Variants in PCGF5 observed in about 807,000 individuals in gnomAD.
PCGF5 encodes the protein polycomb group ring finger 5, also known as polycomb group RING finger protein 5.
In PCGF5, 9 loss-of-function variants were observed where a neutral mutation model predicts 44.3. That is an observed-to-expected ratio of 0.20 (90% CI 0.12 to 0.35). The LOEUF (loss-of-function observed/expected upper bound fraction) is 0.35. Among genes scored for constraint, PCGF5 ranks in the 10% least tolerant of loss-of-function variants. PCGF5 has a pLI of 1.00. For synonymous variants in PCGF5, 95 were observed against 102.5 expected, an observed-to-expected ratio of 0.93 and a Z score of 0.44; for missense variants, 146 against 305.3, an observed-to-expected ratio of 0.48 and a Z score of 3.89.
chr10:91,193,795 A>C (rs1844079027), intron 1 of PCGF5, among the ~76,000 whole-genome samples: 1 of 152,136 alleles, frequency 6.6e-6, no homozygotes, highest in Non-Finnish European at 1.5e-5. Context: ...GAGGAAGGGG[A>C]GAAGCAGGGA....
At chr10:91,182,354 T>TCCC in intron 1 of PCGF5, among the ~76,000 whole-genome samples, 1 of 152,192 alleles carries the variant, frequency 6.6e-6, no homozygotes, top group Admixed American at 6.5e-5. Flanking sequence ...ATAGAGGTGT[T>TCCC]TATAATATTC....
upstream of PCGF5, chr10:91,220,641 G>A (rs1243071356): frequency 1.3e-5 from 2 of 151,280 alleles, no homozygotes; most frequent in Non-Finnish European, 3.0e-5. Context: ...CCGGACCTGG[G>A]CCCCGAGGCC....
chr10:91,250,095 C>G (rs769459991), intron 5 of PCGF5, among the ~76,000 whole-genome samples: 1 of 151,952 alleles, frequency 6.6e-6, no homozygotes, highest in African/African-American at 2.4e-5. Flanking sequence ...TTGTTTCTCC[C>G]ATTTTAAAGT....
Position 91,277,307 on chromosome 10 carries a change from G to A in PCGF5, c.724-962G>A, listed in dbSNP as rs140592722. On this transcript the variant is annotated intron_variant, in intron 9 of 9. Transcript: ENST00000336126. ...GAAAGAATACAAAGTTCTCTATACCGTATTTTTATATTCATGTATACCAAG... is the reference window on the plus strand; with the variant it reads ...GAAAGAATACAAAGTTCTCTATACCATATTTTTATATTCATGTATACCAAG... Among the ~76,000 whole-genome samples, 243 of 152,254 alleles carry A rather than the reference G, an allele frequency of 1.6e-3. 1 individual carries two copies. The highest frequency in any genetic ancestry group is 5.7e-3 in the African/African-American group (236 of 41,538).
upstream of PCGF5, among the ~76,000 whole-genome samples, chr10:91,159,126 G>A (rs1469331880): frequency 1.3e-5 from 2 of 152,182 alleles, no homozygotes; most frequent in Non-Finnish European, 2.9e-5. Flanking sequence ...CACAGATGGT[G>A]TTAAACAAGC....
At chr10:91,238,073 A>G (rs562985462) in intron 2 of PCGF5, among the ~76,000 whole-genome samples, 235 of 152,362 alleles carry the variant, frequency 1.5e-3, no homozygotes, top group African/African-American at 4.1e-3. Context: ...TCATTTCAAA[A>G]TGTAATTAAT....
intron 1 of PCGF5, among the ~76,000 whole-genome samples, chr10:91,206,513 A>G (rs2133243433): frequency 6.6e-6 from 1 of 152,346 alleles, no homozygotes; most frequent in East Asian, 1.9e-4. Context: ...AGATAGGGAA[A>G]GCCTGCATGG....
chr10:91,164,056 A>C (rs925767059), intron 1 of PCGF5, among the ~76,000 whole-genome samples: 8 of 152,252 alleles, frequency 5.3e-5, no homozygotes, highest in African/African-American at 1.9e-4. Context: ...CGTGAGCTCC[A>C]GGGCGGTGAA....
intron 1 of PCGF5, among the ~76,000 whole-genome samples, chr10:91,193,642 G>A (rs893959022): frequency 2.6e-5 from 4 of 151,978 alleles, no homozygotes; most frequent in African/African-American, 9.7e-5. Flanking sequence ...ACCATGAAGG[G>A]CTTTGGCTTT....
At chr10:91,261,548 G>A (rs1207856243) in intron 7 of PCGF5, 124 bp downstream of exon 7, 6 of 1,189,662 alleles carry the variant, frequency 5.0e-6, no homozygotes, top group Non-Finnish European at 6.5e-6. Flanking sequence ...TTATTTTTGT[G>A]TTAAAAATTT....
rs11186500 is a variant in PCGF5, at chr10:91,202,371, A to G, written c.-183-20318A>G. Among the ~76,000 whole-genome samples the G allele has an allele frequency of 1.3e-3, 192 of 152,352 alleles. 1 individual carries two copies. The East Asian group carries it at 0.033, about 26-fold the overall frequency. On this transcript the variant is annotated intron_variant, in intron 1 of 9. Transcript: ENST00000614189. ...TTTTTGTGAACCTAATGATTTCAGT[A>G]AAACCCACCATTGTGACCTTGAGAG... is the stretch of plus-strand genomic sequence containing the variant.
intron 1 of PCGF5, among the ~76,000 whole-genome samples, chr10:91,189,876 AG>A (rs1844000552): frequency 1.3e-5 from 2 of 152,240 alleles, no homozygotes; most frequent in African/African-American, 4.8e-5. Flanking sequence ...TAGTTTTGAA[AG>A]GTTTTCCTCA....
At chr10:91,181,789 T>G (rs1843823284) in intron 1 of PCGF5, among the ~76,000 whole-genome samples, 1 of 152,200 alleles carries the variant, frequency 6.6e-6, no homozygotes, top group Non-Finnish European at 1.5e-5. Flanking sequence ...GTTGAGGATT[T>G]TTGCATCAAT....
chr10:91,162,358 G>T (rs1173522083), upstream of PCGF5, among the ~76,000 whole-genome samples: 1 of 151,968 alleles, frequency 6.6e-6, no homozygotes, highest in Non-Finnish European at 1.5e-5. Context: ...GAAGCTGGAG[G>T]CAGGAAAAGA....
intron 1 of PCGF5, among the ~76,000 whole-genome samples, chr10:91,172,246 G>A (rs1331401753): frequency 1.3e-5 from 2 of 152,190 alleles, no homozygotes; most frequent in East Asian, 3.9e-4. Context: ...CCAACGTGAT[G>A]AAACCCTATT....
At chr10:91,213,813 G>A (rs1377738083) in intron 1 of PCGF5, among the ~76,000 whole-genome samples, 2 of 151,952 alleles carry the variant, frequency 1.3e-5, no homozygotes, top group Non-Finnish European at 2.9e-5. Flanking sequence ...GCCACATTAA[G>A]TGTTATGTAC....
rs543790388 is a variant in PCGF5 at position 91,251,026 on chromosome 10, G to C, written c.326-266G>C. ...GTAATCATTTTTTTGGCTAAATACA[G>C]CTAGTCCTGAATCTTTCATTTGGAT... On this transcript the variant is annotated intron_variant, in intron 5 of 9. Transcript: ENST00000336126. Among the ~76,000 whole-genome samples, 5 of 150,910 alleles carry C rather than the reference G, an allele frequency of 3.3e-5. No individual in the cohort carries two copies. The South Asian group carries it at 1.0e-3, about 32-fold the overall frequency.
At chr10:91,269,577 A>G (rs953663964) in intron 8 of PCGF5, among the ~76,000 whole-genome samples, 2 of 152,174 alleles carry the variant, frequency 1.3e-5, no homozygotes, top group African/African-American at 2.4e-5. Context: ...TCCAGTACCT[A>G]CTACATATAT....
chr10:91,246,304 G>T (rs1203328476), intron 3 of PCGF5, among the ~76,000 whole-genome samples: 14 of 152,168 alleles, frequency 9.2e-5, no homozygotes, highest in Admixed American at 3.9e-4. Flanking sequence ...GAAGAATAAG[G>T]TAGCATTGGT....
Sources: allele counts gnomAD v4.1 joint callset (sites outside exome capture counted in the v4.1 genomes callset), GRCh38; gene constraint gnomAD v4.1.1; transcripts MANE v1.5; gene names NCBI Gene and HGNC (gene_info 2026-07-23, HGNC 2026-07-21).